Variants in COL23A1 observed in about 807,000 individuals in gnomAD.
The protein encoded by COL23A1 is collagen alpha-1(XXIII) chain.
Under a neutral mutation model 99.3 loss-of-function variants are expected in COL23A1, and 97 were observed. That is an observed-to-expected ratio of 0.98 (90% CI 0.83 to 1.16). The LOEUF (loss-of-function observed/expected upper bound fraction) is 1.16. Among genes scored for constraint, COL23A1 ranks in the 50% most tolerant of loss-of-function variants. The pLI is 0.00. For synonymous variants in COL23A1, 320 were observed against 308.2 expected (o/e 1.04, Z -0.40); for missense variants, 762 against 757.4 (o/e 1.01, Z -0.07).
intron 2 of COL23A1, among the ~76,000 whole-genome samples, chr5:178,456,128 A>C (rs1366491942): frequency 6.6e-6 from 1 of 152,234 alleles, no homozygotes; most frequent in Non-Finnish European, 1.5e-5. Context: ...TAGAACAACC[A>C]GTTATATGGA....
intron 2 of COL23A1, among the ~76,000 whole-genome samples, chr5:178,318,630 G>A (rs893397194): frequency 4.6e-5 from 7 of 152,194 alleles, no homozygotes; most frequent in South Asian, 2.1e-4. Context: ...GGCCGGGCGC[G>A]GTGGCTCACA....
At chr5:178,367,292 T>A (rs950172280) in intron 2 of COL23A1, among the ~76,000 whole-genome samples, 4 of 152,178 alleles carry the variant, frequency 2.6e-5, no homozygotes, top group Admixed American at 6.5e-5. Flanking sequence ...GAGCTCCACG[T>A]CTGAGAGGGG....
chr5:178,402,014 T>A (rs1253120294), intron 2 of COL23A1, among the ~76,000 whole-genome samples: 1 of 152,068 alleles, frequency 6.6e-6, no homozygotes, highest in Non-Finnish European at 1.5e-5. Flanking sequence ...TGGGGTTTCA[T>A]GATGTTGGCC....
intron 1 of COL23A1, among the ~76,000 whole-genome samples, chr5:178,588,626 T>C (rs1193034720): frequency 1.3e-5 from 2 of 152,216 alleles, no homozygotes; most frequent in African/African-American, 4.8e-5. Context: ...TAGGAAATCA[T>C]TTCATGAAGC....
chr5:178,465,349 G>A (rs1260778605), intron 2 of COL23A1, among the ~76,000 whole-genome samples: 2 of 152,204 alleles, frequency 1.3e-5, no homozygotes, highest in Non-Finnish European at 2.9e-5. Context: ...TCTTTAGCGT[G>A]ACCGGACTCC....
intron 2 of COL23A1, among the ~76,000 whole-genome samples, chr5:178,523,199 TATAG>T (rs1406711222): frequency 6.3e-3 from 481 of 75,968 alleles, no homozygotes; most frequent in African/African-American, 0.013. Context: ...TATATATATA[TATAG>T]AGAGAGAGAG....
chr5:178,560,265 C>T (rs556750900), intron 2 of COL23A1, among the ~76,000 whole-genome samples: 3 of 152,312 alleles, frequency 2.0e-5, no homozygotes, highest in Middle Eastern at 3.4e-3. Flanking sequence ...AAGAAGGCTA[C>T]GTCCACTATT....
intron 2 of COL23A1, among the ~76,000 whole-genome samples, chr5:178,498,925 TAAAA>T (rs36048620): frequency 6.9e-6 from 1 of 145,030 alleles, no homozygotes; most frequent in African/African-American, 2.6e-5. Context: ...CCATCTCTTC[TAAAA>T]AAAAAAAAAA....
chr5:178,571,896 C>T (rs1409896627), intron 1 of COL23A1, among the ~76,000 whole-genome samples: 4 of 152,032 alleles, frequency 2.6e-5, no homozygotes, highest in African/African-American at 4.8e-5. Flanking sequence ...GGTGAAACCC[C>T]GTCTCTACTA....
chr5:178,469,314 C>T (rs73338662), intron 2 of COL23A1, among the ~76,000 whole-genome samples: 3,149 of 152,230 alleles, frequency 0.021, 133 homozygotes, highest in African/African-American at 0.072. Context: ...GCTTGTTACC[C>T]CTGGGACACT....
intron 2 of COL23A1, among the ~76,000 whole-genome samples, chr5:178,370,943 CAAAGA>C (rs996400307): frequency 3.3e-5 from 5 of 151,874 alleles, no homozygotes; most frequent in Admixed American, 3.3e-4. Context: ...CCCTGTCTCA[CAAAGA>C]AAAGATCTAT....
chr5:178,498,239 T>A (rs1427273545), intron 2 of COL23A1, among the ~76,000 whole-genome samples: 1 of 59,910 alleles, frequency 1.7e-5, no homozygotes, highest in Non-Finnish European at 2.7e-5. Context: ...TATATATATA[T>A]ATATATATAT....
chr5:178,357,926 GTGTA>G (rs1325236359), intron 2 of COL23A1, among the ~76,000 whole-genome samples: 7 of 149,920 alleles, frequency 4.7e-5, no homozygotes, highest in South Asian at 2.1e-4. Context: ...ATGTGTATGT[GTGTA>G]TGTGTATGTA....
At chr5:178,321,564 A>G (rs188260710) in intron 2 of COL23A1, among the ~76,000 whole-genome samples, 2,105 of 134,614 alleles carry the variant, frequency 0.016, 50 homozygotes, top group African/African-American at 0.057. Context: ...ATCTCGGCTC[A>G]CTGCAAGCTC....
chr5:178,520,046 C>T (rs965943742), intron 2 of COL23A1, among the ~76,000 whole-genome samples: 12 of 151,788 alleles, frequency 7.9e-5, no homozygotes, highest in African/African-American at 2.9e-4. Context: ...AGATGATGGA[C>T]AGATGCATGG....
intron 2 of COL23A1, among the ~76,000 whole-genome samples, chr5:178,541,937 G>C (rs905112277): frequency 6.6e-6 from 1 of 152,188 alleles, no homozygotes; most frequent in African/African-American, 2.4e-5. Flanking sequence ...GAGTCTGTGG[G>C]GGTCTGGCCA....
intron 2 of COL23A1, among the ~76,000 whole-genome samples, chr5:178,349,493 C>T (rs7736941): frequency 0.051 from 7,161 of 140,872 alleles, 400 homozygotes; most frequent in African/African-American, 0.13. Context: ...CTCCGCTAGG[C>T]GGGCCCATCC....
chr5:178,271,957 C>T (rs1756313388), intron 5 of COL23A1, among the ~76,000 whole-genome samples: 1 of 152,218 alleles, frequency 6.6e-6, no homozygotes, highest in Non-Finnish European at 1.5e-5. Flanking sequence ...ACGCAGCCTT[C>T]GCTCAGGCTG....
intron 2 of COL23A1, among the ~76,000 whole-genome samples, chr5:178,424,391 C>T (rs1294947981): frequency 1.3e-5 from 2 of 152,240 alleles, no homozygotes; most frequent in African/African-American, 2.4e-5. Context: ...CTCTGCGGGA[C>T]GCACACACGG....
Sources: gnomAD v4.1 joint callset for allele counts (sites outside exome capture counted in the v4.1 genomes callset) on GRCh38, gnomAD v4.1.1 for gene constraint, MANE v1.5 for transcripts, NCBI Gene and HGNC (gene_info 2026-07-23, HGNC 2026-07-21) for gene names.